Variants in RANBP2 observed in about 807,000 individuals in gnomAD.
RANBP2 encodes RAN binding protein 2.
Under a neutral mutation model 303.6 loss-of-function variants are expected in RANBP2, and 57 were observed. That is an observed-to-expected ratio of 0.19 (90% confidence interval 0.15 to 0.23). The LOEUF is 0.23. Among genes scored for constraint, RANBP2 ranks in the 10% least tolerant of loss-of-function variants. The pLI, the probability that RANBP2 is intolerant of heterozygous loss-of-function variation, is 1.00. For missense variants in RANBP2, 3,138 were observed against 3,780.8 expected, an observed-to-expected ratio of 0.83 and a Z score of 4.46; for synonymous variants, 1,167 against 1,301.5, an observed-to-expected ratio of 0.90 and a Z score of 2.23.
the RANBP2 span, among the ~76,000 whole-genome samples, chr2:109,594,080 T>G: frequency 2.0e-5 from 3 of 152,158 alleles, no homozygotes; most frequent in African/African-American, 7.2e-5. Context: ...ACTGCCAAAC[T>G]GGTGTTCCTT....
the RANBP2 span, among the ~76,000 whole-genome samples, chr2:108,926,752 C>G: frequency 2.6e-5 from 4 of 152,244 alleles, no homozygotes; most frequent in African/African-American, 9.6e-5. Context: ...GAGGGCGGAG[C>G]ATCAGGAGAA....
the RANBP2 span, among the ~76,000 whole-genome samples, chr2:109,432,313 G>A: frequency 3.5e-3 from 526 of 152,284 alleles, 19 homozygotes; most frequent in East Asian, 0.061. Context: ...TCCCTGCCTC[G>A]TGGGTTTGTT....
the RANBP2 span, among the ~76,000 whole-genome samples, chr2:108,925,920 A>G: frequency 4.6e-5 from 7 of 152,172 alleles, no homozygotes; most frequent in Non-Finnish European, 8.8e-5. Flanking sequence ...CTGACCGGTG[A>G]TAAACTTTTA....
chr2:109,388,684 A>C, the RANBP2 span, among the ~76,000 whole-genome samples: 1 of 152,244 alleles, frequency 6.6e-6, no homozygotes, highest in East Asian at 1.9e-4. Context: ...TGCCCCCAGC[A>C]CTAAACATTT....
At chr2:108,955,798 G>A in the RANBP2 span, among the ~76,000 whole-genome samples, 6 of 152,142 alleles carry the variant, frequency 3.9e-5, no homozygotes, top group Admixed American at 1.3e-4. Flanking sequence ...AGGCCGAGGC[G>A]GGCAGACCAC....
chr2:109,147,942 G>A, the RANBP2 span, among the ~76,000 whole-genome samples: 1 of 152,118 alleles, frequency 6.6e-6, no homozygotes, highest in Non-Finnish European at 1.5e-5. Context: ...GAAGAGTTTT[G>A]GGGACTAGCT....
chr2:108,913,228 CAT>C, the RANBP2 span, among the ~76,000 whole-genome samples: 1 of 151,994 alleles, frequency 6.6e-6, no homozygotes, highest in Non-Finnish European at 1.5e-5. Context: ...GGATTACAGG[CAT>C]GAGCCACCGC....
Position 108,784,554 on chromosome 2 carries a change from A to G in RANBP2, c.*653A>G, listed in dbSNP as rs1042930719. 5 of 152,596 alleles carry G rather than the reference A, an allele frequency of 3.3e-5. No homozygotes were observed. The highest frequency in any genetic ancestry group is 7.2e-5 in the African/African-American group (3 of 41,440). 9.5% of individuals were successfully genotyped at this position (152,596 alleles called of 1,614,324 possible). A position where few individuals can be genotyped will look rare whatever the true frequency, so the allele number is the denominator to read the frequency against. ...TTTTTACATTTTAAACAAGTTGACT[A>G]TTTCCTTTAGGGGTTTTGTTTCAAA... On this transcript the variant is annotated 3_prime_UTR_variant, in exon 29 of 29. Coordinates refer to ENST00000283195, the MANE Select transcript of RANBP2 (RefSeq NM_006267.5).
the RANBP2 span, among the ~76,000 whole-genome samples, chr2:108,803,517 C>T: frequency 6.6e-6 from 1 of 152,198 alleles, no homozygotes; most frequent in African/African-American, 2.4e-5. Flanking sequence ...GCACAGACGT[C>T]ATCATAGCTC....
At chr2:109,331,977 G>T in the RANBP2 span, among the ~76,000 whole-genome samples, 1 of 152,188 alleles carries the variant, frequency 6.6e-6, no homozygotes, top group African/African-American at 2.4e-5. Context: ...TGCTGTGACT[G>T]TCTGTGACTA....
At chr2:108,780,144 T>C (rs984377708) in intron 25 of RANBP2, among the ~76,000 whole-genome samples, 32 of 152,112 alleles carry the variant, frequency 2.1e-4, no homozygotes, top group African/African-American at 7.5e-4. Context: ...AAATGTACTC[T>C]GTACTCAACA....
the RANBP2 span, among the ~76,000 whole-genome samples, chr2:108,968,096 A>G: frequency 6.6e-6 from 1 of 152,152 alleles, no homozygotes; most frequent in African/African-American, 2.4e-5. Context: ...TGAGTGCTGC[A>G]CAGGGATAAT....
chr2:109,478,728 ATCT>A, the RANBP2 span, among the ~76,000 whole-genome samples: 1 of 152,256 alleles, frequency 6.6e-6, no homozygotes, highest in South Asian at 2.1e-4. Context: ...CGTAGGTAAG[ATCT>A]TCTTGCTCAG....
chr2:108,747,848 T>C (rs916381571), intron 8 of RANBP2, among the ~76,000 whole-genome samples: 1 of 152,192 alleles, frequency 6.6e-6, no homozygotes, highest in African/African-American at 2.4e-5. Context: ...AGTGTACGGT[T>C]CAGTGGCTTT....
At chr2:109,171,001 C>T in the RANBP2 span, among the ~76,000 whole-genome samples, 2 of 152,248 alleles carry the variant, frequency 1.3e-5, no homozygotes, top group Admixed American at 1.3e-4. Context: ...GAACCAAGCC[C>T]GGGAGGCACA....
chr2:109,129,839 T>G, the RANBP2 span: 1 of 1,535,096 alleles, frequency 6.5e-7, no homozygotes, highest in South Asian at 1.2e-5. Flanking sequence ...TGCCGCATCC[T>G]GGTGGGCTGC....
At chr2:108,769,681 A>G (rs1332307940) in intron 20 of RANBP2, among the ~76,000 whole-genome samples, 1 of 152,148 alleles carries the variant, frequency 6.6e-6, no homozygotes, top group Admixed American at 6.5e-5. Context: ...ACAATATGGA[A>G]GAGTGTCCCT....
chr2:109,454,343 G>A, the RANBP2 span, among the ~76,000 whole-genome samples: 36 of 152,292 alleles, frequency 2.4e-4, no homozygotes, highest in African/African-American at 7.5e-4. Flanking sequence ...GGGGTGACCC[G>A]AACCTTCACT....
chr2:109,517,338 C>T, the RANBP2 span, among the ~76,000 whole-genome samples: 1 of 152,302 alleles, frequency 6.6e-6, no homozygotes, highest in African/African-American at 2.4e-5. Context: ...GGACTTGGTC[C>T]ATGCTCAATA....
Sources: gnomAD v4.1 joint callset for allele counts (sites outside exome capture counted in the v4.1 genomes callset) on GRCh38, gnomAD v4.1.1 for gene constraint, MANE v1.5 for transcripts, NCBI Gene and HGNC (gene_info 2026-07-23, HGNC 2026-07-21) for gene names.